LYRM9: variants seen among roughly 807,000 people sequenced by gnomAD.
LYRM9 encodes the protein LYR motif-containing protein 9.
In LYRM9, 14 loss-of-function variants were observed where a neutral mutation model predicts 12.6. The observed-to-expected ratio is 1.11, with a 90% CI of 0.73 to 1.73. The LOEUF is 1.73. Ranked by LOEUF, LYRM9 falls within the 40% of genes most tolerant of loss-of-function variation. The pLI is 0.00. For synonymous variants in LYRM9, 42 were observed against 35.1 expected, an observed-to-expected ratio of 1.20 and a Z score of -0.69; for missense variants, 94 against 95.0, an observed-to-expected ratio of 0.99 and a Z score of 0.04.
At chr17:27,885,866 G>C (rs997768499) in intron 1 of LYRM9, among the ~76,000 whole-genome samples, 1 of 152,118 alleles carries the variant, frequency 6.6e-6, no homozygotes, top group Non-Finnish European at 1.5e-5. Flanking sequence ...GGTACTAACT[G>C]ATGGACAGAT....
At chr17:27,884,623 C>T (rs560178353) in intron 1 of LYRM9, among the ~76,000 whole-genome samples, 1 of 152,250 alleles carries the variant, frequency 6.6e-6, no homozygotes, top group South Asian at 2.1e-4. Flanking sequence ...GCTGCAGTGC[C>T]CCGCTCATGG....
intron 2 of LYRM9, among the ~76,000 whole-genome samples, chr17:27,881,488 C>G (rs1358607619): frequency 6.6e-6 from 1 of 150,938 alleles, no homozygotes; most frequent in Non-Finnish European, 1.5e-5. Context: ...TTTTAGCTAA[C>G]TTTCTATTTG....
At chr17:27,884,726 G>T (rs1429482537) in intron 1 of LYRM9, among the ~76,000 whole-genome samples, 1 of 151,776 alleles carries the variant, frequency 6.6e-6, no homozygotes, top group Non-Finnish European at 1.5e-5. Context: ...TAACTAAACA[G>T]AATGAAGCTA....
intron 3 of LYRM9, 179 bp downstream of exon 3, chr17:27,880,095 T>G (rs572283356): frequency 1.6e-5 from 11 of 706,660 alleles, no homozygotes; most frequent in Admixed American, 4.1e-5. Flanking sequence ...AGAATATAAA[T>G]GCAACCAGAA....
intron 1 of LYRM9, among the ~76,000 whole-genome samples, chr17:27,887,525 A>C (rs1905269271): frequency 6.6e-6 from 1 of 151,924 alleles, no homozygotes; most frequent in East Asian, 1.9e-4. Context: ...GCCCCTACCT[A>C]CCCCTCATCT....
intron 1 of LYRM9, among the ~76,000 whole-genome samples, chr17:27,889,400 C>T (rs774441227): frequency 2.6e-5 from 4 of 151,942 alleles, no homozygotes; most frequent in Non-Finnish European, 4.4e-5. Flanking sequence ...CTCTGCCTCC[C>T]GGGTTCAAGC....
At chr17:27,891,682 T>C (rs1905456041) in intron 1 of LYRM9, among the ~76,000 whole-genome samples, 1 of 152,214 alleles carries the variant, frequency 6.6e-6, no homozygotes, top group African/African-American at 2.4e-5. Flanking sequence ...ATTGTGATTA[T>C]AATCGATGTG....
chr17:27,883,477 CCGTCTCTA>C (rs1421408095), intron 1 of LYRM9, among the ~76,000 whole-genome samples: 1 of 151,982 alleles, frequency 6.6e-6, no homozygotes, highest in African/African-American at 2.4e-5. Flanking sequence ...CGGTGAAACC[CCGTCTCTA>C]CTAAAAATAC....
chr17:27,879,438 C>A lies in LYRM9; in HGVS notation c.*35G>T. The A allele has an allele frequency of 6.5e-7, 1 of 1,547,562 alleles. No homozygotes were observed. On this transcript the variant is annotated 3_prime_UTR_variant, in exon 4 of 4. Coordinates refer to ENST00000379102, the MANE Select transcript of LYRM9 (RefSeq NM_001076680.3). ...GAGCTCCAGAAGAGGGGCCTCTCAACTTCCAGAGGCCAGGAAGGCTCACCC... is the reference window on the plus strand; with the variant it reads ...GAGCTCCAGAAGAGGGGCCTCTCAAATTCCAGAGGCCAGGAAGGCTCACCC...
At chr17:27,880,193 A>T in intron 3 of LYRM9, 81 bp downstream of exon 3, 1 of 1,063,666 alleles carries the variant, frequency 9.4e-7, no homozygotes, top group Non-Finnish European at 1.4e-6. Flanking sequence ...ACTGTGGGGC[A>T]GGAGTGGCCT....
intron 1 of LYRM9, among the ~76,000 whole-genome samples, chr17:27,887,713 G>GGA (rs1485417792): frequency 1.3e-3 from 115 of 86,824 alleles, no homozygotes; most frequent in African/African-American, 3.1e-3. Flanking sequence ...TAGGAGGGAG[G>GGA]GTGTGTGTGT....
Position 27,882,704 on chromosome 17 carries a change from C to T in LYRM9, c.-10G>A. ...CTGGCAGCGGGGCCATCCGTGAGAC[C>T]CTCTGTCCCTGGAAAACAAGCAGGA... On this transcript the variant is annotated 5_prime_UTR_variant, in exon 2 of 4. Transcript: ENST00000379102. The T allele has an allele frequency of 1.9e-6, 3 of 1,592,054 alleles. No individual in the cohort carries two copies. Among genetic ancestry groups the T allele is most frequent in the Non-Finnish European group, 2.6e-6 (3 of 1,169,134 alleles).
intron 1 of LYRM9, among the ~76,000 whole-genome samples, chr17:27,885,592 C>T (rs1905204810): frequency 6.6e-6 from 1 of 151,496 alleles, no homozygotes; most frequent in Admixed American, 6.6e-5. Context: ...CGCCTGTAGT[C>T]CCAGCTACTC....
intron 1 of LYRM9, 135 bp from the exon 2 acceptor site, chr17:27,882,847 G>T: frequency 1.0e-6 from 1 of 996,230 alleles, no homozygotes; most frequent in Non-Finnish European, 1.5e-6. Flanking sequence ...CATGGAGCCT[G>T]CACCTTGGGG....
chr17:27,879,316 C>G lies in LYRM9; in HGVS notation c.*157G>C. 1 of 658,378 alleles carries G rather than the reference C, an allele frequency of 1.5e-6. No homozygotes were observed. Among genetic ancestry groups the G allele is most frequent in the Non-Finnish European group, 2.4e-6 (1 of 421,882 alleles). 40.8% of individuals were successfully genotyped at this position (658,378 alleles called of 1,614,324 possible). A position where few individuals can be genotyped will look rare whatever the true frequency, so the allele number is the denominator to read the frequency against. On this transcript the variant is annotated 3_prime_UTR_variant, in exon 4 of 4. Transcript: ENST00000379102. ...ATAAAGGATGCTAGCAACATGGCCG[C>G]GGCAAGAGGAGCCTCTGGAGCAAGG...
intron 2 of LYRM9, 146 bp downstream of exon 2, chr17:27,882,423 C>T (rs1426749387): frequency 2.5e-5 from 29 of 1,153,234 alleles, no homozygotes; most frequent in Non-Finnish European, 3.4e-5. Context: ...CTGGGCTGCC[C>T]AGCACTGGTT....
intron 2 of LYRM9, 55 bp downstream of exon 2, chr17:27,882,514 G>C (rs754106738): frequency 5.4e-6 from 8 of 1,485,626 alleles, no homozygotes; most frequent in Non-Finnish European, 7.2e-6. Context: ...TCTGACCTGC[G>C]CCCCTAAGCC....
At chr17:27,889,883 T>C (rs370851083) in intron 1 of LYRM9, among the ~76,000 whole-genome samples, 3 of 152,026 alleles carry the variant, frequency 2.0e-5, no homozygotes, top group Non-Finnish European at 4.4e-5. Flanking sequence ...ATGAACAGTC[T>C]GGTGTACCTA....
Position 27,882,777 on chromosome 17 carries a change from A to G in LYRM9, c.-18-65T>C, listed in dbSNP as rs964985555. 7.5e-6 allele frequency: 11 copies of G among 1,474,812 alleles called. No individual in the cohort carries two copies. The Admixed American group carries it at 1.6e-4, about 21-fold the overall frequency. The allele number at this position is 1,474,812 out of a possible 1,614,324, so 91.4% of individuals were successfully genotyped here. ...AGTTCAGTACTCAGCCCTGACCCCCAGTTCCCAGTACTCTGGGAAGCAAGC... is the reference window on the plus strand; with the variant it reads ...AGTTCAGTACTCAGCCCTGACCCCCGGTTCCCAGTACTCTGGGAAGCAAGC... On this transcript the variant is annotated intron_variant, in intron 1 of 3. Coordinates refer to ENST00000379102, the MANE Select transcript of LYRM9 (RefSeq NM_001076680.3).
Sources: gnomAD v4.1 joint callset for allele counts (sites outside exome capture counted in the v4.1 genomes callset) on GRCh38, gnomAD v4.1.1 for gene constraint, MANE v1.5 for transcripts, NCBI Gene and HGNC (gene_info 2026-07-23, HGNC 2026-07-21) for gene names.